Variants in MTMR10 observed in about 807,000 individuals in gnomAD.
MTMR10 encodes the protein myotubularin related protein 10, also known as myotubularin-related protein 10.
A neutral mutation model predicts 88.1 loss-of-function variants in MTMR10; 56 were observed. That is an observed-to-expected ratio of 0.64 (90% confidence interval 0.51 to 0.79). The LOEUF (loss-of-function observed/expected upper bound fraction) is 0.79, where lower values mean the gene tolerates loss of function less well. Among genes scored for constraint, MTMR10 ranks in the 30% least tolerant of loss-of-function variants. The pLI, the probability that MTMR10 is intolerant of heterozygous loss-of-function variation, is 0.00. For missense variants in MTMR10, 883 were observed against 924.7 expected (o/e 0.95, Z 0.58); for synonymous variants, 380 against 340.9 (o/e 1.11, Z -1.26).
chr15:30,930,702 G>A, the MTMR10 span: 3 of 1,610,922 alleles, frequency 1.9e-6, no homozygotes, highest in Admixed American at 3.4e-5. Context: ...AAGTCCTGTT[G>A]GTAACCTTAT....
chr15:30,920,585 GTTGGGTGGAT>G, the MTMR10 span: 9 of 1,611,868 alleles, frequency 5.6e-6, no homozygotes, highest in East Asian at 1.8e-4. Flanking sequence ...GTGTTTCACT[GTTGGGTGGAT>G]TTATACAAGG....
downstream of MTMR10, chr15:30,936,997 T>C: frequency 1.3e-6 from 1 of 772,504 alleles, no homozygotes; most frequent in Non-Finnish European, 2.1e-6. Flanking sequence ...GTGTTACACT[T>C]ACAAATACAG....
At chr15:30,923,389 G>C in the MTMR10 span, among the ~76,000 whole-genome samples, 1 of 152,306 alleles carries the variant, frequency 6.6e-6, no homozygotes, top group Admixed American at 6.5e-5. Context: ...AAAAGTTCAA[G>C]AGAGTACAGA....
In MTMR10 at chr15:30,948,466, C is replaced by G; in HGVS notation, c.1213G>C (p.Glu405Gln). 1 of 1,603,046 alleles carries G rather than the reference C, an allele frequency of 6.2e-7. No homozygotes were observed. The highest frequency in any genetic ancestry group is 8.5e-7 in the Non-Finnish European group (1 of 1,174,406). The change falls in exon 13 of 16, where the codon GAA becomes CAA. Residue 405 changes from glutamate to glutamine, a missense_variant. Physicochemically the swap from Glu to Gln is conservative, Grantham distance 29. Transcript: ENST00000435680. ...ACACAACAGCTCAAGTCTCTTCCTT[C>G]CTCCTCTGTTAATAAAATGGAAAGA... Reference protein sequence around the residue: ...KHLSVVLQEEEGRDLSCCVAS... With the variant: ...KHLSVVLQEEQGRDLSCCVAS...
rs2063299608 is a variant in MTMR10 at position 30,954,847 on chromosome 15, A to G, written c.982T>C (p.Tyr328His). Residue 328 changes from tyrosine to histidine, a missense_variant, in exon 10 of 16, where the codon TAC becomes CAC. Coordinates refer to ENST00000435680, the MANE Select transcript of MTMR10 (RefSeq NM_017762.3). The stretch of plus-strand genomic sequence containing the variant: ...AAGGTCTTATCCAAATCTGATTTGT[A>G]AACATCACTTCTCTGTGGGTGACTT... ...TKSHPQRSDVYKSDLDKTLPN... is the reference protein window; with the variant it reads ...TKSHPQRSDVHKSDLDKTLPN... The G allele has an allele frequency of 6.3e-7, 1 of 1,578,610 alleles. No homozygotes were observed. The highest frequency in any genetic ancestry group is 2.3e-5 in the East Asian group (1 of 43,662).
intron 9 of MTMR10, among the ~76,000 whole-genome samples, chr15:30,955,792 G>A (rs1199870802): frequency 2.0e-5 from 3 of 152,074 alleles, no homozygotes; most frequent in Non-Finnish European, 2.9e-5. Context: ...CAGTCTTAAC[G>A]ATTTGCTGTA....
At chr15:30,977,666 C>G (rs2030258528) in intron 2 of MTMR10, among the ~76,000 whole-genome samples, 1 of 150,138 alleles carries the variant, frequency 6.7e-6, no homozygotes, top group South Asian at 2.1e-4. Context: ...CCATCTGTCT[C>G]CAGGGTCAAT....
intron 2 of MTMR10, among the ~76,000 whole-genome samples, chr15:30,983,540 AAAT>A (rs2030733526): frequency 6.6e-6 from 1 of 152,234 alleles, no homozygotes; most frequent in African/African-American, 2.4e-5. Context: ...TGATGGACAG[AAAT>A]AATGTTTCCC....
chr15:30,943,382 T>TAAAC (rs2063115379), intron 14 of MTMR10: 27 of 984,668 alleles, frequency 2.7e-5, no homozygotes, highest in Non-Finnish European at 3.1e-5. Flanking sequence ...TAGAAAGTCT[T>TAAAC]AAACATGTTG....
chr15:30,959,214 G>T, intron 7 of MTMR10, 93 bp from the exon 8 acceptor site: 1 of 1,152,696 alleles, frequency 8.7e-7, no homozygotes, highest in Non-Finnish European at 1.2e-6. Context: ...CAAGTTGTCC[G>T]CATTTAATGT....
intron 2 of MTMR10, among the ~76,000 whole-genome samples, chr15:30,988,278 G>A (rs2031082210): frequency 1.3e-5 from 2 of 152,292 alleles, no homozygotes; most frequent in East Asian, 1.9e-4. Context: ...GAAGGGGAGA[G>A]GAAGGGGGCA....
rs1193010307 is a variant in MTMR10, at chr15:30,939,541, G to A, written c.*1929C>T. The A allele has an allele frequency of 1.0e-6, 1 of 971,796 alleles. No homozygotes were observed. Among genetic ancestry groups the A allele is most frequent in the East Asian group, 1.1e-4 (1 of 8,718 alleles). 60.2% of individuals were successfully genotyped at this position (971,796 alleles called of 1,614,324 possible). A position where few individuals can be genotyped will look rare whatever the true frequency, so the allele number is the denominator to read the frequency against. On this transcript the variant is annotated 3_prime_UTR_variant, in exon 16 of 16. Transcript: ENST00000435680. ...TAACAACTGTCCAGCAAAAATAAAAGTATTTTACATTTGATTATCATACAA... is the reference window on the plus strand; with the variant it reads ...TAACAACTGTCCAGCAAAAATAAAAATATTTTACATTTGATTATCATACAA...
At chr15:30,936,693 C>T (rs1458690099), downstream of MTMR10, among the ~76,000 whole-genome samples, 2 of 152,180 alleles carry the variant, frequency 1.3e-5, no homozygotes, top group Admixed American at 1.3e-4. Context: ...ATTTATCCCA[C>T]CAAACCTCAT....
At chr15:30,987,657 T>C (rs1193927073) in intron 2 of MTMR10, among the ~76,000 whole-genome samples, 3 of 151,868 alleles carry the variant, frequency 2.0e-5, no homozygotes, top group Non-Finnish European at 4.4e-5. Flanking sequence ...AAGCATGCAA[T>C]ACCATATCTC....
At chr15:30,928,329 A>G in the MTMR10 span, 1 of 1,298,270 alleles carries the variant, frequency 7.7e-7, no homozygotes, top group Non-Finnish European at 9.7e-7. Context: ...TTTTTCTATG[A>G]TTACTAAGAT....
chr15:30,929,064 C>A, the MTMR10 span: 1 of 811,096 alleles, frequency 1.2e-6, no homozygotes, highest in Non-Finnish European at 1.9e-6. Flanking sequence ...GCTTTTATAT[C>A]AATTAACTTT....
chr15:30,958,973 T>TA, intron 8 of MTMR10, 22 bp from the exon 9 acceptor site: 1 of 1,613,862 alleles, frequency 6.2e-7, no homozygotes. Context: ...GTAGAATCCT[T>TA]ACTTCACTGT....
chr15:30,963,772 G>C (rs149554642), intron 6 of MTMR10, among the ~76,000 whole-genome samples: 1 of 152,152 alleles, frequency 6.6e-6, no homozygotes, highest in Non-Finnish European at 1.5e-5. Flanking sequence ...ACTAAAAAGC[G>C]TGTCTGTGAG....
At chr15:30,921,283 G>A in the MTMR10 span, among the ~76,000 whole-genome samples, 5 of 152,160 alleles carry the variant, frequency 3.3e-5, no homozygotes, top group African/African-American at 9.7e-5. Flanking sequence ...CTGAGCCTGA[G>A]TCTCTTTCAG....
Sources: gnomAD v4.1 joint callset for allele counts (sites outside exome capture counted in the v4.1 genomes callset) on GRCh38, gnomAD v4.1.1 for gene constraint, MANE v1.5 for transcripts, NCBI Gene and HGNC (gene_info 2026-07-23, HGNC 2026-07-21) for gene names.